HSD17B4: variants seen among roughly 807,000 people sequenced by gnomAD.
HSD17B4 encodes the protein peroxisomal multifunctional enzyme type 2.
HSD17B4 carries 70 observed loss-of-function variants against 101.0 expected under a neutral mutation model. The observed-to-expected ratio is 0.69, with a 90% CI of 0.57 to 0.85. The LOEUF is 0.85. Among genes scored for constraint, HSD17B4 ranks in the 40% least tolerant of loss-of-function variants. The probability of loss-of-function intolerance (pLI) is 0.00; values close to 1 mark genes in which losing one functional copy is unlikely to be tolerated. For missense variants in HSD17B4, 984 were observed against 892.4 expected, an observed-to-expected ratio of 1.10 and a Z score of -1.31; for synonymous variants, 347 against 297.1, an observed-to-expected ratio of 1.17 and a Z score of -1.73.
intron 17 of HSD17B4, among the ~76,000 whole-genome samples, chr5:119,523,139 T>A (rs1430374586): frequency 6.6e-6 from 1 of 150,920 alleles, no homozygotes; most frequent in African/African-American, 2.4e-5. Flanking sequence ...TTATTTGTAT[T>A]TTTTTTTTCG....
At chr5:119,522,533 C>A (rs1753212510) in intron 17 of HSD17B4, among the ~76,000 whole-genome samples, 1 of 152,056 alleles carries the variant, frequency 6.6e-6, no homozygotes, top group Non-Finnish European at 1.5e-5. Context: ...TAGTGTTGTA[C>A]AGATGAAGAA....
intron 22 of HSD17B4, among the ~76,000 whole-genome samples, chr5:119,532,885 C>G (rs1277464076): frequency 6.6e-6 from 1 of 152,014 alleles, no homozygotes; most frequent in Non-Finnish European, 1.5e-5. Context: ...TCATGATTCA[C>G]TGGTGGTGAA....
At chr5:119,530,457 A>G (rs1753968358) in intron 21 of HSD17B4, among the ~76,000 whole-genome samples, 1 of 152,140 alleles carries the variant, frequency 6.6e-6, no homozygotes, top group Admixed American at 6.6e-5. Context: ...CTGAAATATT[A>G]ACTTTGTAAT....
At chr5:119,456,536 C>A in intron 2 of HSD17B4, 168 bp downstream of exon 2, 1 of 619,104 alleles carries the variant, frequency 1.6e-6, no homozygotes, top group Non-Finnish European at 2.9e-6. Context: ...GTCTAAATTA[C>A]TTTTAAAAGG....
At chr5:119,499,205 A>C in intron 12 of HSD17B4, 112 bp from the exon 13 acceptor site, 2 of 720,724 alleles carry the variant, frequency 2.8e-6, no homozygotes, top group South Asian at 3.1e-5. Flanking sequence ...TGCTCCATCA[A>C]ATTCACTAAC....
chr5:119,536,616 T>G (rs367783071), intron 23 of HSD17B4, 66 bp downstream of exon 23: 1 of 1,476,630 alleles, frequency 6.8e-7, no homozygotes. Context: ...TTGCAGTTTT[T>G]AAGCTGATGC....
intron 20 of HSD17B4, 103 bp from the exon 21 acceptor site, chr5:119,529,791 T>C: frequency 1.4e-6 from 1 of 722,536 alleles, no homozygotes; most frequent in Non-Finnish European, 2.4e-6. Flanking sequence ...TTCTTTTTCA[T>C]ATGAGGCAAA....
At chr5:119,532,460 G>A (rs1031913823) in intron 22 of HSD17B4, among the ~76,000 whole-genome samples, 4 of 152,022 alleles carry the variant, frequency 2.6e-5, no homozygotes, top group Non-Finnish European at 5.9e-5. Flanking sequence ...TTAGAAAATA[G>A]TATGGCTGCC....
chr5:119,486,357 A>T (rs1167370664), intron 8 of HSD17B4, among the ~76,000 whole-genome samples: 1 of 152,194 alleles, frequency 6.6e-6, no homozygotes, highest in African/African-American at 2.4e-5. Flanking sequence ...GCTGTCATGC[A>T]GCCCCCAAAC....
intron 14 of HSD17B4, among the ~76,000 whole-genome samples, chr5:119,503,077 T>TGTGC (rs1004638403): frequency 1.9e-4 from 8 of 42,454 alleles, no homozygotes; most frequent in African/African-American, 1.1e-3. Context: ...CCTTGGAAAT[T>TGTGC]GTGTGTGTGT....
intron 17 of HSD17B4, among the ~76,000 whole-genome samples, chr5:119,524,023 A>G (rs1023668349): frequency 6.6e-6 from 1 of 152,106 alleles, no homozygotes; most frequent in Non-Finnish European, 1.5e-5. Context: ...ACATCATGAT[A>G]TATATTTGCT....
chr5:119,520,428 G>C (rs1281359540), intron 17 of HSD17B4, among the ~76,000 whole-genome samples: 1 of 152,032 alleles, frequency 6.6e-6, no homozygotes, highest in Non-Finnish European at 1.5e-5. Context: ...GATTTCTGGA[G>C]TTATTTTTCT....
intron 17 of HSD17B4, among the ~76,000 whole-genome samples, chr5:119,522,820 CT>C (rs1753236283): frequency 6.6e-6 from 1 of 152,118 alleles, no homozygotes; most frequent in South Asian, 2.1e-4. Flanking sequence ...GGAATTGCCA[CT>C]GGAAGACTAG....
At chr5:119,470,204 T>C (rs1340232046) in intron 2 of HSD17B4, among the ~76,000 whole-genome samples, 1 of 152,070 alleles carries the variant, frequency 6.6e-6, no homozygotes, top group Non-Finnish European at 1.5e-5. Flanking sequence ...GTTTTTTTTT[T>C]TGGAGTGTAG....
intron 16 of HSD17B4, among the ~76,000 whole-genome samples, chr5:119,512,542 A>G (rs1243101270): frequency 1.3e-5 from 2 of 152,068 alleles, no homozygotes; most frequent in Non-Finnish European, 2.9e-5. Context: ...TAGTGGGCTA[A>G]TGTATTCAGA....
chr5:119,509,957 T>G (rs1442328903), intron 16 of HSD17B4, among the ~76,000 whole-genome samples: 1 of 152,234 alleles, frequency 6.6e-6, no homozygotes, highest in Non-Finnish European at 1.5e-5. Flanking sequence ...GTTAAGATTT[T>G]AGGGAGTCAA....
intron 1 of HSD17B4, 54 bp downstream of exon 1, chr5:119,452,687 T>G: frequency 6.2e-7 from 1 of 1,611,196 alleles, no homozygotes; most frequent in Non-Finnish European, 8.5e-7. Flanking sequence ...AGCTGGCTGC[T>G]CTTTTCGGGC....
chr5:119,523,459 A>G (rs562378486), intron 17 of HSD17B4, among the ~76,000 whole-genome samples: 2 of 152,274 alleles, frequency 1.3e-5, no homozygotes, highest in South Asian at 2.1e-4. Context: ...AGTGGTCATT[A>G]TTAATTGAAC....
At chr5:119,481,176 A>G (rs966468914) in intron 8 of HSD17B4, among the ~76,000 whole-genome samples, 10 of 152,208 alleles carry the variant, frequency 6.6e-5, no homozygotes, top group Admixed American at 3.3e-4. Context: ...TGGGGAAGTG[A>G]TAAGTGTCCA....
Sources: allele counts gnomAD v4.1 joint callset (sites outside exome capture counted in the v4.1 genomes callset), GRCh38; gene constraint gnomAD v4.1.1; transcripts MANE v1.5; gene names NCBI Gene and HGNC (gene_info 2026-07-23, HGNC 2026-07-21).